Variants in GLI2 observed in about 807,000 individuals in gnomAD.
GLI2 encodes transcription activator GLI2.
GLI2 carries 22 observed loss-of-function variants against 78.9 expected under a neutral mutation model. That is an observed-to-expected ratio of 0.28 (90% CI 0.20 to 0.40). The LOEUF (loss-of-function observed/expected upper bound fraction) is 0.40, where lower values mean the gene tolerates loss of function less well. Ranked by LOEUF, GLI2 falls within the 10% of genes least tolerant of loss-of-function variation. GLI2 has a pLI of 1.00. For missense variants in GLI2, 2,097 were observed against 2,213.2 expected, an observed-to-expected ratio of 0.95 and a Z score of 1.05; for synonymous variants, 974 against 963.7, an observed-to-expected ratio of 1.01 and a Z score of -0.20.
At chr2:120,847,232 G>A (rs1230465286) in intron 2 of GLI2, among the ~76,000 whole-genome samples, 4 of 152,028 alleles carry the variant, frequency 2.6e-5, no homozygotes, top group African/African-American at 9.7e-5. Context: ...CTGTGCTGAG[G>A]GCTCGTCATC....
chr2:120,891,146 G>C (rs1417917091), intron 2 of GLI2, among the ~76,000 whole-genome samples: 1 of 152,190 alleles, frequency 6.6e-6, no homozygotes, highest in Non-Finnish European at 1.5e-5. Context: ...GCAGTGGCTT[G>C]AATGCCACAC....
At chr2:120,955,894 C>T (rs1681238413) in intron 5 of GLI2, among the ~76,000 whole-genome samples, 1 of 151,608 alleles carries the variant, frequency 6.6e-6, no homozygotes, top group Admixed American at 6.6e-5. Flanking sequence ...GGGCCTGAGG[C>T]AGCAGTGGGC....
intron 2 of GLI2, chr2:120,866,278 G>C (rs75901374): frequency 6.6e-6 from 1 of 152,536 alleles, no homozygotes; most frequent in African/African-American, 2.4e-5. Context: ...GGAGAGCTAC[G>C]GGACAGGTCA....
At chr2:120,856,420 T>G (rs35539500) in intron 2 of GLI2, among the ~76,000 whole-genome samples, 19,978 of 152,188 alleles carry the variant, frequency 0.13, 1,448 homozygotes, top group Non-Finnish European at 0.16. Context: ...TATGGCAGGT[T>G]TGGGCCGACT....
At position 120,990,349 on chromosome 2, in the gene GLI2, T is replaced by G; in HGVS notation, c.4384T>G (p.Cys1462Gly). 6.2e-7 allele frequency: 1 copy of G among 1,613,968 alleles called. No individual in the cohort carries two copies. Among genetic ancestry groups the G allele is most frequent in the Non-Finnish European group, 8.5e-7 (1 of 1,180,032 alleles). ...MRSQPPQPQA[C>G]QDSIQPQPLP... ...GTCCCAGCCACCACAGCCACAGGCCTGTCAGGACAGCATCCAGCCCCAGCC... is the reference window on the plus strand; with the variant it reads ...GTCCCAGCCACCACAGCCACAGGCCGGTCAGGACAGCATCCAGCCCCAGCC... The change falls in exon 14 of 14, where the codon TGT (cysteine) becomes GGT (glycine). Residue 1462 changes from cysteine to glycine, a missense_variant. Transcript: ENST00000361492.
At chr2:120,763,760 G>C (rs757748107) in intron 1 of GLI2, among the ~76,000 whole-genome samples, 1 of 152,242 alleles carries the variant, frequency 6.6e-6, no homozygotes, top group Admixed American at 6.5e-5. Flanking sequence ...TCTCAGGACC[G>C]CTTTGCTGAA....
At chr2:120,912,580 T>C (rs148160570) in intron 2 of GLI2, among the ~76,000 whole-genome samples, 1 of 152,250 alleles carries the variant, frequency 6.6e-6, no homozygotes, top group Non-Finnish European at 1.5e-5. Context: ...GGGAATGGCA[T>C]GTGCTCCAAC....
chr2:120,990,451 G>C lies in GLI2; in HGVS notation c.4486G>C (p.Asp1496His), dbSNP rs755563767. ...CCTGGAGGCCCCCCAGATTGACTTC[G>C]ATGCCATCATGGATGATGGCGATCA... ...QLLEAPQIDFDAIMDDGDHSS... is the reference protein window; with the variant it reads ...QLLEAPQIDFHAIMDDGDHSS... The change falls in exon 14 of 14, where the codon GAT becomes CAT. Residue 1496 changes from aspartate to histidine, a missense_variant. This residue lies in a region of GLI2 where 1,290 missense variants were observed against 1,261.7 expected (regional missense o/e 1.02). Transcript: ENST00000361492. 1.9e-6 allele frequency: 3 copies of C among 1,613,734 alleles called. No homozygotes were observed. In the African/African-American group the frequency reaches 4.0e-5, roughly 22 times the overall value.
rs1183933486 is a variant in GLI2, at chr2:120,992,425, A to G, written c.*1750A>G. On this transcript the variant is annotated 3_prime_UTR_variant, in exon 14 of 14. Coordinates refer to ENST00000361492, the MANE Select transcript of GLI2 (RefSeq NM_001374353.1). ...CCAAAACATTTTTAGCTTTTTCTAC[A>G]TGCTATGAATTGAGATGACATGCTC... 2.0e-5 allele frequency: 3 copies of G among 152,212 alleles called. No individual in the cohort carries two copies. The highest frequency in any genetic ancestry group is 4.8e-5 in the African/African-American group (2 of 41,454). The allele number at this position is 152,212 out of a possible 1,614,324, so 9.4% of individuals were successfully genotyped here. A position where few individuals can be genotyped will look rare whatever the true frequency, so the allele number is the denominator to read the frequency against.
chr2:120,782,223 A>G (rs975655599), intron 1 of GLI2, among the ~76,000 whole-genome samples: 1 of 152,172 alleles, frequency 6.6e-6, no homozygotes, highest in African/African-American at 2.4e-5. Flanking sequence ...AACATCTTAC[A>G]TGTTTCTTCT....
At chr2:120,877,085 C>T (rs577114382) in intron 2 of GLI2, among the ~76,000 whole-genome samples, 140 of 152,310 alleles carry the variant, frequency 9.2e-4, no homozygotes, top group Non-Finnish European at 1.6e-3. Context: ...GATGCATTTG[C>T]ATGGGGCTTG....
chr2:120,869,756 G>C (rs1688331814), intron 2 of GLI2, among the ~76,000 whole-genome samples: 1 of 152,184 alleles, frequency 6.6e-6, no homozygotes, highest in African/African-American at 2.4e-5. Context: ...GTATTCTGAA[G>C]ACAGAGGAGT....
chr2:120,738,850 G>A (rs1224861157), intron 1 of GLI2, among the ~76,000 whole-genome samples: 2 of 152,318 alleles, frequency 1.3e-5, no homozygotes, highest in Non-Finnish European at 2.9e-5. Flanking sequence ...ATTCTGCTCT[G>A]GCCTTGAAGG....
At chr2:120,820,143 G>C (rs1297332973) in intron 2 of GLI2, among the ~76,000 whole-genome samples, 3 of 152,182 alleles carry the variant, frequency 2.0e-5, no homozygotes, top group Non-Finnish European at 4.4e-5. Flanking sequence ...AAAGGTCCAG[G>C]CTGGTCCCTT....
At chr2:120,759,028 C>A (rs1487551360) in intron 1 of GLI2, among the ~76,000 whole-genome samples, 1 of 152,196 alleles carries the variant, frequency 6.6e-6, no homozygotes, top group Non-Finnish European at 1.5e-5. Flanking sequence ...CCCACCCCCA[C>A]ACTGGCAGGT....
chr2:120,935,949 C>A (rs555199299), intron 3 of GLI2, among the ~76,000 whole-genome samples: 3 of 152,098 alleles, frequency 2.0e-5, no homozygotes. Context: ...GGTGGTCAGC[C>A]GAGAGCAGGA....
intron 2 of GLI2, among the ~76,000 whole-genome samples, chr2:120,895,310 G>A (rs1056509836): frequency 2.6e-5 from 4 of 152,222 alleles, no homozygotes; most frequent in African/African-American, 9.6e-5. Flanking sequence ...GTGGCACTGG[G>A]GAACTGATGG....
chr2:120,941,905 A>C (rs10190698), intron 3 of GLI2, among the ~76,000 whole-genome samples: 6 of 152,138 alleles, frequency 3.9e-5, no homozygotes, highest in Admixed American at 6.5e-5. Flanking sequence ...TCCAGGCGGC[A>C]GGGGGGAAAG....
At chr2:120,747,775 G>A (rs906904668) in intron 1 of GLI2, among the ~76,000 whole-genome samples, 3 of 152,200 alleles carry the variant, frequency 2.0e-5, no homozygotes, top group African/African-American at 7.2e-5. Flanking sequence ...CTGCCACTGG[G>A]GCTTCCCAGG....
Sources: gnomAD v4.1 joint callset for allele counts (sites outside exome capture counted in the v4.1 genomes callset) on GRCh38, gnomAD v4.1.1 for gene constraint, gnomAD v4.1.1 regional missense constraint, MANE v1.5 for transcripts, NCBI Gene and HGNC (gene_info 2026-07-23, HGNC 2026-07-21) for gene names.